FAM168A: variants seen among roughly 807,000 people sequenced by gnomAD.
FAM168A encodes the protein protein FAM168A.
FAM168A carries 3 observed loss-of-function variants against 28.5 expected under a neutral mutation model. The ratio of observed to expected loss-of-function variants is 0.11; its 90% CI spans 0.05 to 0.27. The LOEUF (loss-of-function observed/expected upper bound fraction) is 0.27. FAM168A is among the 10% of genes least tolerant of loss of function. The probability of loss-of-function intolerance (pLI) is 1.00; values close to 1 mark genes in which losing one functional copy is unlikely to be tolerated. For missense variants in FAM168A, 222 were observed against 311.5 expected (o/e 0.71, Z 2.16); for synonymous variants, 122 against 124.2 (o/e 0.98, Z 0.12).
intron 1 of FAM168A, among the ~76,000 whole-genome samples, chr11:73,578,840 T>C (rs1443706201): frequency 6.6e-6 from 1 of 152,248 alleles, no homozygotes; most frequent in East Asian, 1.9e-4. Flanking sequence ...TAATCAGGTT[T>C]CTAAATCTGT....
chr11:73,478,155 A>T lies in FAM168A; in HGVS notation c.-18-9663T>A, dbSNP rs541088991. On this transcript the variant is annotated intron_variant, in intron 1 of 7. Coordinates refer to ENST00000356467, the MANE Select transcript of FAM168A (RefSeq NM_015159.3). The stretch of plus-strand genomic sequence containing the variant: ...CAACATTTCTACATTTTACTGAATT[A>T]CATTAGTTTGCATCTGAACTAGACT... Among the ~76,000 whole-genome samples the T allele has an allele frequency of 2.6e-5, 4 of 152,362 alleles. No individual in the cohort carries two copies. In the South Asian group the frequency reaches 6.2e-4, roughly 24 times the overall value.
In FAM168A at chr11:73,401,754, G is replaced by A. The variant is rs1866415245; in HGVS notation, c.*5009C>T. 1 of 152,188 alleles carries A rather than the reference G, an allele frequency of 6.6e-6. No homozygotes were observed. Among genetic ancestry groups the A allele is most frequent in the South Asian group, 2.1e-4 (1 of 4,826 alleles). 9.4% of individuals were successfully genotyped at this position (152,188 alleles called of 1,614,324 possible). ...TGTGGCAGCCAGTCCCAACTCCTGT[G>A]TGCCTCGGTTGGCCTTTGGGTTGGA... is the stretch of plus-strand genomic sequence containing the variant. On this transcript the variant is annotated 3_prime_UTR_variant, in exon 8 of 8. Coordinates refer to ENST00000356467, the MANE Select transcript of FAM168A (RefSeq NM_015159.3).
intron 1 of FAM168A, among the ~76,000 whole-genome samples, chr11:73,548,980 C>T (rs61901438): frequency 2.6e-3 from 399 of 151,962 alleles, no homozygotes; most frequent in Non-Finnish European, 4.0e-3. Context: ...TTTGCTCTGT[C>T]GCCCAGGCTG....
At chr11:73,499,873 T>G (rs2134621972) in intron 1 of FAM168A, among the ~76,000 whole-genome samples, 1 of 152,070 alleles carries the variant, frequency 6.6e-6, no homozygotes, top group East Asian at 1.9e-4. Flanking sequence ...ATATGGGACT[T>G]CATAAAAAGA....
intron 1 of FAM168A, among the ~76,000 whole-genome samples, chr11:73,546,495 G>A (rs12287335): frequency 0.03 from 4,527 of 152,284 alleles, 222 homozygotes; most frequent in African/African-American, 0.1. Context: ...CACTTTGGGA[G>A]GCTAAGGCAG....
At chr11:73,446,819 CCT>C (rs1407518527) in intron 2 of FAM168A, among the ~76,000 whole-genome samples, 5 of 152,092 alleles carry the variant, frequency 3.3e-5, no homozygotes, top group African/African-American at 1.2e-4. Flanking sequence ...CTCCTTTTTC[CCT>C]CTCTCTCCAA....
chr11:73,580,023 C>T (rs1944224996), intron 1 of FAM168A, among the ~76,000 whole-genome samples: 1 of 152,304 alleles, frequency 6.6e-6, no homozygotes, highest in Admixed American at 6.5e-5. Context: ...AGTGTTAGCA[C>T]TTCATAAATG....
intron 2 of FAM168A, among the ~76,000 whole-genome samples, chr11:73,442,995 T>C (rs1240198202): frequency 4.6e-5 from 6 of 130,674 alleles, no homozygotes; most frequent in East Asian, 4.3e-4. Context: ...TATATATATA[T>C]ATGCCAAGCC....
chr11:73,407,356 A>G (rs1389201984), intron 7 of FAM168A, among the ~76,000 whole-genome samples, 157 bp downstream of exon 7: 1 of 152,208 alleles, frequency 6.6e-6, no homozygotes, highest in Non-Finnish European at 1.5e-5. Context: ...GCTATTATTA[A>G]GAGTGATATT....
intron 1 of FAM168A, among the ~76,000 whole-genome samples, chr11:73,576,044 CA>C (rs1326048443): frequency 6.6e-6 from 1 of 152,108 alleles, no homozygotes; most frequent in African/African-American, 2.4e-5. Context: ...TCATGGAAAA[CA>C]AATATTCAGA....
intron 3 of FAM168A, among the ~76,000 whole-genome samples, chr11:73,421,619 G>A (rs1021620058): frequency 2.0e-5 from 3 of 152,122 alleles, no homozygotes; most frequent in African/African-American, 7.2e-5. Flanking sequence ...TTTCTTTGGG[G>A]GGGTGGGAAA....
chr11:73,491,605 T>C (rs1229614290), intron 1 of FAM168A, among the ~76,000 whole-genome samples: 1 of 152,234 alleles, frequency 6.6e-6, no homozygotes, highest in Non-Finnish European at 1.5e-5. Flanking sequence ...ACCGGGGACT[T>C]GAACTCAAGT....
chr11:73,595,409 T>C (rs929363111), intron 1 of FAM168A, among the ~76,000 whole-genome samples: 4 of 152,064 alleles, frequency 2.6e-5, no homozygotes, highest in Admixed American at 1.3e-4. Context: ...CCAAGGAAAA[T>C]GGTTTGTTTG....
intron 1 of FAM168A, among the ~76,000 whole-genome samples, chr11:73,495,982 T>C (rs1218250341): frequency 3.3e-5 from 5 of 152,186 alleles, no homozygotes; most frequent in Non-Finnish European, 5.9e-5. Context: ...CCCATGTTCA[T>C]TGCAATACTA....
chr11:73,561,980 T>C (rs975974135), intron 1 of FAM168A, among the ~76,000 whole-genome samples: 2 of 152,200 alleles, frequency 1.3e-5, no homozygotes, highest in African/African-American at 4.8e-5. Context: ...TCTCACTCTG[T>C]AGCCCAGGCT....
chr11:73,585,924 G>A (rs1309873965), intron 1 of FAM168A, among the ~76,000 whole-genome samples: 1 of 150,908 alleles, frequency 6.6e-6, no homozygotes, highest in African/African-American at 2.4e-5. Context: ...AGCAACAAAT[G>A]GTGACCAGAT....
At chr11:73,584,195 C>T (rs1225769327) in intron 1 of FAM168A, among the ~76,000 whole-genome samples, 1 of 150,298 alleles carries the variant, frequency 6.7e-6, no homozygotes, top group Non-Finnish European at 1.5e-5. Flanking sequence ...TTTTTTGAGA[C>T]ATTGTCTCAC....
At chr11:73,477,541 C>A in intron 1 of FAM168A, among the ~76,000 whole-genome samples, 1 of 152,054 alleles carries the variant, frequency 6.6e-6, no homozygotes, top group Middle Eastern at 3.4e-3. Flanking sequence ...CATAACCGGA[C>A]ACAATATAGT....
At chr11:73,556,536 T>C (rs1590852830) in intron 1 of FAM168A, among the ~76,000 whole-genome samples, 1 of 149,918 alleles carries the variant, frequency 6.7e-6, no homozygotes, top group Non-Finnish European at 1.5e-5. Context: ...GTCAGGGGGG[T>C]AGGGAGAATG....
Sources: allele counts gnomAD v4.1 joint callset (sites outside exome capture counted in the v4.1 genomes callset), GRCh38; gene constraint gnomAD v4.1.1; transcripts MANE v1.5; gene names NCBI Gene and HGNC (gene_info 2026-07-23, HGNC 2026-07-21).